DMD: variants seen among roughly 807,000 people sequenced by gnomAD.
DMD encodes the protein dystrophin.
A neutral mutation model predicts 330.1 loss-of-function variants in DMD; 63 were observed. The observed-to-expected ratio is 0.19, with a 90% CI of 0.16 to 0.24. The LOEUF (loss-of-function observed/expected upper bound fraction) is 0.24. Ranked by LOEUF, DMD falls within the 10% of genes least tolerant of loss-of-function variation. The pLI is 1.00. For missense variants in DMD, 3,344 were observed against 2,684.1 expected, an observed-to-expected ratio of 1.25 and a Z score of -5.43; for synonymous variants, 1,223 against 959.8, an observed-to-expected ratio of 1.27 and a Z score of -5.07.
chrX:32,175,498 T>C (rs1406282937), intron 44 of DMD, among the ~76,000 whole-genome samples: 1 of 110,654 alleles, frequency 9.0e-6, no homozygotes, highest in African/African-American at 3.3e-5. Context: ...CTTTTGCTCT[T>C]CACAATAAAT....
intron 7 of DMD, among the ~76,000 whole-genome samples, chrX:32,727,353 C>T (rs1274163926): frequency 1.8e-5 from 2 of 111,041 alleles, no homozygotes; most frequent in Non-Finnish European, 1.9e-5. Flanking sequence ...TTCATTGAGA[C>T]TTGTATAAAA....
At chrX:33,022,109 C>T (rs747323338) in intron 1 of DMD, among the ~76,000 whole-genome samples, 4 of 111,245 alleles carry the variant, frequency 3.6e-5, no homozygotes, top group African/African-American at 6.5e-5. Flanking sequence ...TGCAATTCCA[C>T]TTATATTTCC....
At chrX:32,451,077 T>C (rs1243122981) in intron 26 of DMD, among the ~76,000 whole-genome samples, 2 of 111,096 alleles carry the variant, frequency 1.8e-5, no homozygotes, top group African/African-American at 6.5e-5. Context: ...TGCTCTGCCA[T>C]CTTTCATTGC....
At chrX:32,517,942 A>G (rs769465233) in intron 18 of DMD, 66 bp downstream of exon 18, 11 of 1,118,848 alleles carry the variant, frequency 9.8e-6, no homozygotes, top group African/African-American at 1.8e-5. Context: ...AATCACAGAT[A>G]ACAAAGCACG....
chrX:32,677,593 A>G, intron 9 of DMD, among the ~76,000 whole-genome samples: 2 of 111,950 alleles, frequency 1.8e-5, no homozygotes, highest in Middle Eastern at 9.9e-3. Context: ...AATAGATTCC[A>G]ATAACTTACA....
At chrX:33,062,761 G>A (rs191779238) in intron 1 of DMD, among the ~76,000 whole-genome samples, 176 of 112,875 alleles carry the variant, frequency 1.6e-3, no homozygotes, top group African/African-American at 3.2e-3. Context: ...ACAGGCGTGC[G>A]CCATTGAGCC....
intron 44 of DMD, among the ~76,000 whole-genome samples, chrX:32,172,836 G>C (rs2096892648): frequency 9.0e-6 from 1 of 111,567 alleles, no homozygotes. Context: ...TTTTTAATGA[G>C]TTTGCACTGA....
chrX:31,761,484 T>C (rs2089588103), intron 51 of DMD, among the ~76,000 whole-genome samples: 2 of 112,347 alleles, frequency 1.8e-5, no homozygotes, highest in Non-Finnish European at 3.8e-5. Flanking sequence ...AAACAGACTA[T>C]ATTACTTGTT....
chrX:32,241,975 G>A (rs149643262), intron 43 of DMD, among the ~76,000 whole-genome samples: 2 of 111,102 alleles, frequency 1.8e-5, no homozygotes, highest in East Asian at 2.8e-4. Flanking sequence ...CAACCCAGCC[G>A]GTTCTATACA....
chrX:32,180,417 AT>A (rs1440584592), intron 44 of DMD, among the ~76,000 whole-genome samples: 1 of 111,644 alleles, frequency 9.0e-6, no homozygotes, highest in Non-Finnish European at 1.9e-5. Context: ...GTAGGTGTTT[AT>A]TAACACACTG....
At chrX:33,207,067 T>C (rs1050788294) in intron 1 of DMD, among the ~76,000 whole-genome samples, 9 of 110,854 alleles carry the variant, frequency 8.1e-5, no homozygotes, top group African/African-American at 3.0e-4. Flanking sequence ...TTTCTCTCTA[T>C]ATGAGGACAC....
intron 1 of DMD, among the ~76,000 whole-genome samples, chrX:33,210,079 G>C (rs977899323): frequency 1.8e-5 from 2 of 110,542 alleles, no homozygotes; most frequent in African/African-American, 3.3e-5. Flanking sequence ...CAATCTAAAA[G>C]TAATAATGAT....
At chrX:32,600,251 G>A (rs1216699462) in intron 12 of DMD, among the ~76,000 whole-genome samples, 3 of 111,454 alleles carry the variant, frequency 2.7e-5, no homozygotes, top group African/African-American at 9.8e-5. Flanking sequence ...CCCTTTCTTA[G>A]AACACATGTA....
chrX:32,325,991 T>C (rs750146288), intron 41 of DMD, among the ~76,000 whole-genome samples: 1 of 111,359 alleles, frequency 9.0e-6, no homozygotes, highest in South Asian at 3.8e-4. Context: ...TTGTAATCCA[T>C]AAAAATACAA....
chrX:31,717,151 C>T (rs1489066299), intron 52 of DMD, among the ~76,000 whole-genome samples: 1 of 111,582 alleles, frequency 9.0e-6, no homozygotes. Flanking sequence ...GTATAAAGCA[C>T]AGCACAAATC....
rs1263623551 is a variant in DMD at position 32,463,589 on chromosome X, T to A, written c.3282A>T (p.Leu1094Phe). 8.8e-7 allele frequency: 1 copy of A among 1,139,442 alleles called. No individual in the cohort carries two copies. The highest frequency in any genetic ancestry group is 1.2e-6 in the Non-Finnish European group (1 of 857,006). The allele number at this position is 1,139,442 out of a possible 1,213,427, so 93.9% of individuals were successfully genotyped here. A position where few individuals can be genotyped will look rare whatever the true frequency, so the allele number is the denominator to read the frequency against. ...GCTGAATTGTCTGAATATCACTGAC[T>A]AAAAGCTAAGAAAATAAATCAATTT... ...LKKQLKQCRL[L>F]VSDIQTIQPS... The change falls in exon 25 of 79, where the codon TTA becomes TTT. Residue 1094 changes from leucine (L) to phenylalanine (F), a missense_variant. By Grantham distance (22) the Leu-to-Phe change is conservative. Coordinates refer to ENST00000357033, the MANE Select transcript of DMD (RefSeq NM_004006.3).
intron 44 of DMD, among the ~76,000 whole-genome samples, chrX:32,041,318 C>G (rs748665774): frequency 8.9e-6 from 1 of 111,886 alleles, no homozygotes; most frequent in East Asian, 2.8e-4. Flanking sequence ...TCTCTCCCCC[C>G]TTCCTGGTGA....
chrX:32,704,717 A>C (rs1474271422), intron 7 of DMD, among the ~76,000 whole-genome samples: 3 of 112,107 alleles, frequency 2.7e-5, no homozygotes, highest in Non-Finnish European at 5.6e-5. Context: ...AGGAAACAAA[A>C]ATAAATAAAT....
intron 1 of DMD, among the ~76,000 whole-genome samples, chrX:33,232,983 A>C (rs1297603725): frequency 9.0e-6 from 1 of 111,585 alleles, no homozygotes; most frequent in Admixed American, 9.5e-5. Flanking sequence ...ATTTTTAGTT[A>C]GGTAGGAGGA....
Sources: gnomAD v4.1 joint callset for allele counts (sites outside exome capture counted in the v4.1 genomes callset) on GRCh38, gnomAD v4.1.1 for gene constraint, MANE v1.5 for transcripts, NCBI Gene and HGNC (gene_info 2026-07-23, HGNC 2026-07-21) for gene names.